Variants in RAB31 observed in about 807,000 individuals in gnomAD.
RAB31 encodes the protein ras-related protein Rab-31.
In RAB31, 21 loss-of-function variants were observed where a neutral mutation model predicts 25.6. That is an observed-to-expected ratio of 0.82 (90% CI 0.58 to 1.18). The LOEUF is 1.18. Ranked by LOEUF, RAB31 falls within the 50% of genes most tolerant of loss-of-function variation. RAB31 has a pLI of 0.00. For synonymous variants in RAB31, 87 were observed against 84.0 expected (o/e 1.04, Z -0.20); for missense variants, 196 against 250.1 (o/e 0.78, Z 1.46).
intron 1 of RAB31, among the ~76,000 whole-genome samples, chr18:9,772,763 A>G (rs1364414183): frequency 6.6e-6 from 1 of 152,088 alleles, no homozygotes; most frequent in East Asian, 1.9e-4. Context: ...GCCTGCTGTA[A>G]GGGGCAATTT....
At chr18:9,767,943 C>T (rs1043006037) in intron 1 of RAB31, among the ~76,000 whole-genome samples, 1 of 151,976 alleles carries the variant, frequency 6.6e-6, no homozygotes, top group Non-Finnish European at 1.5e-5. Flanking sequence ...TTGTTCAACT[C>T]CCATTTATGA....
At chr18:9,851,343 G>C (rs1423050373) in intron 6 of RAB31, among the ~76,000 whole-genome samples, 1 of 152,174 alleles carries the variant, frequency 6.6e-6, no homozygotes, top group Admixed American at 6.5e-5. Flanking sequence ...CAATTCTAAA[G>C]AAGAAATTCT....
intron 1 of RAB31, among the ~76,000 whole-genome samples, chr18:9,749,557 GGT>G (rs2068223507): frequency 6.6e-6 from 1 of 152,158 alleles, no homozygotes; most frequent in African/African-American, 2.4e-5. Flanking sequence ...AGTTCCCTAA[GGT>G]GTGTGTGCCC....
chr18:9,832,630 C>G (rs1011390265), intron 5 of RAB31, among the ~76,000 whole-genome samples: 1 of 152,180 alleles, frequency 6.6e-6, no homozygotes, highest in Admixed American at 6.5e-5. Context: ...CACACCCCTC[C>G]GAGCATGTGC....
At chr18:9,846,108 C>T (rs1352829099) in intron 6 of RAB31, among the ~76,000 whole-genome samples, 1 of 152,150 alleles carries the variant, frequency 6.6e-6, no homozygotes, top group Non-Finnish European at 1.5e-5. Context: ...TGATCATCTC[C>T]TACAAAAAGT....
intron 5 of RAB31, among the ~76,000 whole-genome samples, chr18:9,821,529 A>G (rs2068624550): frequency 6.6e-6 from 1 of 152,124 alleles, no homozygotes; most frequent in Non-Finnish European, 1.5e-5. Flanking sequence ...ATTTATGCAC[A>G]TGACATGATT....
intron 5 of RAB31, among the ~76,000 whole-genome samples, chr18:9,828,104 G>T (rs1260806675): frequency 6.6e-6 from 1 of 152,144 alleles, no homozygotes; most frequent in Non-Finnish European, 1.5e-5. Flanking sequence ...GGCAAGATCT[G>T]GAACGAAGGC....
At chr18:9,765,222 G>A (rs978562826) in intron 1 of RAB31, among the ~76,000 whole-genome samples, 4 of 152,194 alleles carry the variant, frequency 2.6e-5, no homozygotes, top group Admixed American at 2.0e-4. Flanking sequence ...CAAAGTGCTG[G>A]GAATTACAGG....
At chr18:9,784,706 C>T (rs2068423019) in intron 2 of RAB31, among the ~76,000 whole-genome samples, 1 of 152,010 alleles carries the variant, frequency 6.6e-6, no homozygotes, top group South Asian at 2.1e-4. Flanking sequence ...GCACACACCA[C>T]CACACCTGGC....
At chr18:9,777,903 C>T (rs532126022) in intron 2 of RAB31, among the ~76,000 whole-genome samples, 29 of 151,752 alleles carry the variant, frequency 1.9e-4, no homozygotes, top group Admixed American at 7.9e-4. Flanking sequence ...TACAGGTGCC[C>T]GCCACCATGC....
intron 1 of RAB31, among the ~76,000 whole-genome samples, chr18:9,767,103 A>G (rs1378100525): frequency 6.6e-6 from 1 of 152,252 alleles, no homozygotes; most frequent in East Asian, 1.9e-4. Context: ...TTCCAAGACC[A>G]GAAGGAGATG....
chr18:9,819,612 C>T (rs1027876837), intron 5 of RAB31, among the ~76,000 whole-genome samples: 20 of 152,192 alleles, frequency 1.3e-4, no homozygotes, highest in Admixed American at 1.3e-3. Flanking sequence ...CAAAAGGCAA[C>T]TTTGATTTTA....
At chr18:9,793,655 C>T (rs1342288459) in intron 3 of RAB31, among the ~76,000 whole-genome samples, 8 of 150,358 alleles carry the variant, frequency 5.3e-5, no homozygotes, top group East Asian at 2.2e-4. Context: ...GAGTGAGACT[C>T]CAGCTCAAAA....
In RAB31 at chr18:9,838,947, C is replaced by T. The variant is rs78245581; in HGVS notation, c.381-6635C>T. 5.3e-3 allele frequency among the ~76,000 whole-genome samples: 803 copies of T among 152,306 alleles called. 6 individuals are homozygous for T. The highest frequency in any genetic ancestry group is 0.018 in the African/African-American group (744 of 41,562). On this transcript the variant is annotated intron_variant, in intron 5 of 6. Coordinates refer to ENST00000578921, the MANE Select transcript of RAB31 (RefSeq NM_006868.4). ...TCCATAGATTCCTCCACTACCCACT[C>T]CTCCTTTCTGCTGAAGGCAACTTGG...
At chr18:9,728,669 C>T (rs2068106856) in intron 1 of RAB31, among the ~76,000 whole-genome samples, 1 of 152,088 alleles carries the variant, frequency 6.6e-6, no homozygotes, top group Non-Finnish European at 1.5e-5. Context: ...TACCGAGTAG[C>T]TGGGATTACA....
chr18:9,769,368 C>T (rs1363062706), intron 1 of RAB31, among the ~76,000 whole-genome samples: 2 of 152,158 alleles, frequency 1.3e-5, no homozygotes, highest in Admixed American at 6.5e-5. Flanking sequence ...TCTCTTATTT[C>T]GTTGAGTGGT....
Position 9,708,595 on chromosome 18 carries a change from T to G in RAB31, c.39+151T>G, listed in dbSNP as rs2067998566. Among the ~76,000 whole-genome samples the G allele has an allele frequency of 6.8e-6, 1 of 147,698 alleles. No individual in the cohort carries two copies. The highest frequency in any genetic ancestry group is 1.5e-5 in the Non-Finnish European group (1 of 66,600). Reference sequence around the variant, plus strand: ...TCCCCCTCGTCCGCGCGCCCCCTGGTTCCCCGGGTCCCCCTGGCTCCCCTA... The same window carrying G: ...TCCCCCTCGTCCGCGCGCCCCCTGGGTCCCCGGGTCCCCCTGGCTCCCCTA... On this transcript the variant is annotated intron_variant, in intron 1 of 6. Transcript: ENST00000578921. This position sits in a 1 kb window ranked among gnomAD's most constrained non-coding sequence, Gnocchi z 6.4.
In RAB31 at chr18:9,708,401, A is replaced by G; in HGVS notation, c.-5A>G. Reference sequence around the variant, plus strand: ...TGAGCCCCGGCACTGCCTGGCTGCGAGCACATGATGGCGATACGGGAGCTC... The same window carrying G: ...TGAGCCCCGGCACTGCCTGGCTGCGGGCACATGATGGCGATACGGGAGCTC... On this transcript the variant is annotated 5_prime_UTR_variant, in exon 1 of 7. Coordinates refer to ENST00000578921, the MANE Select transcript of RAB31 (RefSeq NM_006868.4). This position sits in a 1 kb window ranked among gnomAD's most constrained non-coding sequence, Gnocchi z 6.4. The G allele has an allele frequency of 6.4e-7, 1 of 1,562,296 alleles. No individual in the cohort carries two copies. Among genetic ancestry groups the G allele is most frequent in the Non-Finnish European group, 8.7e-7 (1 of 1,155,712 alleles).
intron 6 of RAB31, among the ~76,000 whole-genome samples, chr18:9,848,579 AC>A (rs1472992195): frequency 6.6e-6 from 1 of 152,224 alleles, no homozygotes; most frequent in Non-Finnish European, 1.5e-5. Context: ...ACTGCAGCAG[AC>A]TTTTCATTTA....
Sources: allele counts gnomAD v4.1 joint callset (sites outside exome capture counted in the v4.1 genomes callset), GRCh38; gene constraint gnomAD v4.1.1; non-coding constraint Gnocchi (gnomAD v3.1); transcripts MANE v1.5; gene names NCBI Gene and HGNC (gene_info 2026-07-23, HGNC 2026-07-21).